The following SLAIN2 variants were observed in gnomAD, a reference collection of about 807,000 sequenced individuals.
SLAIN2 encodes the protein SLAIN family member 2, also known as SLAIN motif-containing protein 2.
SLAIN2 carries 31 observed loss-of-function variants against 56.6 expected under a neutral mutation model. The ratio of observed to expected loss-of-function variants is 0.55; its 90% CI spans 0.41 to 0.74. SLAIN2 has a LOEUF of 0.74. Among genes scored for constraint, SLAIN2 ranks in the 30% least tolerant of loss-of-function variants. The pLI is 0.00. For missense variants in SLAIN2, 777 were observed against 754.2 expected, an observed-to-expected ratio of 1.03 and a Z score of -0.35; for synonymous variants, 317 against 284.9, an observed-to-expected ratio of 1.11 and a Z score of -1.13.
chr4:48,392,835 T>C (rs1716269768), intron 6 of SLAIN2, among the ~76,000 whole-genome samples: 1 of 150,062 alleles, frequency 6.7e-6, no homozygotes, highest in Non-Finnish European at 1.5e-5. Flanking sequence ...TCATTGTCTG[T>C]CTCCCCTTTC....
At chr4:48,352,193 T>C (rs926792133) in intron 1 of SLAIN2, among the ~76,000 whole-genome samples, 1 of 152,204 alleles carries the variant, frequency 6.6e-6, no homozygotes, top group Non-Finnish European at 1.5e-5. Flanking sequence ...GCTACCTTTA[T>C]TGGCTAGAAA....
Position 48,382,631 on chromosome 4 carries a change from C to T in SLAIN2, c.926C>T (p.Thr309Ile). ...AGTTCTGGTTCATCTTGCAATTCTA[C>T]AAGACGGGGTACTTTTAGTGATCAG... The part of the protein sequence containing the change: ...RRSSGSSCNS[T>I]RRGTFSDQEL... Residue 309 changes from threonine to isoleucine, a missense_variant, in exon 5 of 8, where the codon ACA (threonine) becomes ATA (isoleucine). By Grantham distance (89) the Thr-to-Ile change is moderately conservative. Coordinates refer to ENST00000264313, the MANE Select transcript of SLAIN2 (RefSeq NM_020846.2). 2 of 1,613,258 alleles carry T rather than the reference C, an allele frequency of 1.2e-6. No homozygotes were observed. The highest frequency in any genetic ancestry group is 1.7e-6 in the Non-Finnish European group (2 of 1,179,284).
intron 6 of SLAIN2, among the ~76,000 whole-genome samples, chr4:48,404,141 TG>T (rs1306705717): frequency 2.0e-5 from 3 of 152,140 alleles, no homozygotes; most frequent in African/African-American, 7.2e-5. Flanking sequence ...CAGTTCAAGG[TG>T]CAGAATGAAC....
chr4:48,372,201 A>C (rs530959302), intron 2 of SLAIN2, among the ~76,000 whole-genome samples: 150 of 152,270 alleles, frequency 9.9e-4, no homozygotes, highest in African/African-American at 3.6e-3. Context: ...CATTGTTCTC[A>C]ACACTGAAGT....
chr4:48,379,720 C>A lies in SLAIN2; in HGVS notation c.734C>A (p.Pro245Gln). 2 of 1,471,428 alleles carry A rather than the reference C, an allele frequency of 1.4e-6. No individual in the cohort carries two copies. The highest frequency in any genetic ancestry group is 1.8e-6 in the Non-Finnish European group (2 of 1,112,460). The allele number at this position is 1,471,428 out of a possible 1,614,324, so 91.1% of individuals were successfully genotyped here. Reference sequence around the variant, plus strand: ...TTGAAAAGCTCAGACAGAAATCCTCCACTCAGTCCTCAGTCCTCTATAGAT... The same window carrying A: ...TTGAAAAGCTCAGACAGAAATCCTCAACTCAGTCCTCAGTCCTCTATAGAT... ...GNLKSSDRNP[P>Q]LSPQSSIDSE... is the part of the protein sequence containing the mutation. The change falls in exon 4 of 8, where the codon CCA becomes CAA. Residue 245 changes from proline to glutamine, a missense_variant. By Grantham distance (76) the Pro-to-Gln change is moderately conservative (BLOSUM62 -1). Transcript: ENST00000264313.
At chr4:48,347,747 G>T (rs1426346462) in intron 1 of SLAIN2, among the ~76,000 whole-genome samples, 2 of 152,166 alleles carry the variant, frequency 1.3e-5, no homozygotes, top group Non-Finnish European at 2.9e-5. Context: ...TTGAAACTGT[G>T]TACCCATTAA....
intron 1 of SLAIN2, among the ~76,000 whole-genome samples, chr4:48,358,564 C>T (rs1715227131): frequency 6.6e-6 from 1 of 152,116 alleles, no homozygotes; most frequent in Non-Finnish European, 1.5e-5. Context: ...GATCCGCCTG[C>T]CTCAGTCTCC....
At chr4:48,357,874 A>G (rs866567821) in intron 1 of SLAIN2, among the ~76,000 whole-genome samples, 25 of 151,384 alleles carry the variant, frequency 1.7e-4, no homozygotes, top group African/African-American at 5.1e-4. Context: ...TTTTTAAAAA[A>G]CTTTTGTAGA....
At chr4:48,407,000 A>G (rs1017210302) in intron 6 of SLAIN2, among the ~76,000 whole-genome samples, 3 of 152,108 alleles carry the variant, frequency 2.0e-5, no homozygotes, top group Non-Finnish European at 4.4e-5. Context: ...TGATTTTCCC[A>G]GATTCGGGGT....
chr4:48,413,018 A>G (rs1474386511), intron 6 of SLAIN2, among the ~76,000 whole-genome samples: 2 of 152,124 alleles, frequency 1.3e-5, no homozygotes, highest in African/African-American at 4.8e-5. Flanking sequence ...TTAAGAGGCC[A>G]GGAGGTTGAG....
At position 48,424,206 on chromosome 4, in the gene SLAIN2, GTAT is replaced by G. The variant is rs1238825107; in HGVS notation, c.*2134_*2136del. On this transcript the variant is annotated 3_prime_UTR_variant, in exon 8 of 8. Coordinates refer to ENST00000264313, the MANE Select transcript of SLAIN2 (RefSeq NM_020846.2). The stretch of plus-strand genomic sequence containing the variant: ...ATATTTTTGATCTGAGTTTGGTAAA[GTAT>G]TATTTTACCTGCTGTTGTACTACCA... 2 of 151,902 alleles carry G rather than the reference GTAT, an allele frequency of 1.3e-5. No homozygotes were observed. The highest frequency in any genetic ancestry group is 3.9e-4 in the East Asian group (2 of 5,184). 9.4% of individuals were successfully genotyped at this position (151,902 alleles called of 1,614,324 possible).
chr4:48,419,868 G>A (rs1717100753), intron 6 of SLAIN2, among the ~76,000 whole-genome samples: 1 of 152,112 alleles, frequency 6.6e-6, no homozygotes, highest in Non-Finnish European at 1.5e-5. Context: ...TTCTCTTCTG[G>A]TATTATGGAT....
At chr4:48,361,830 T>C (rs1282121999) in intron 1 of SLAIN2, among the ~76,000 whole-genome samples, 1 of 152,158 alleles carries the variant, frequency 6.6e-6, no homozygotes, top group African/African-American at 2.4e-5. Flanking sequence ...ATATGTCTTC[T>C]TTTAATTTCT....
chr4:48,400,388 CTTTTTT>C lies in SLAIN2; in HGVS notation c.1360+16625_1360+16630del, dbSNP rs3081372. On this transcript the variant is annotated intron_variant, in intron 6 of 7. Coordinates refer to ENST00000264313, the MANE Select transcript of SLAIN2 (RefSeq NM_020846.2). ...TTCTGATTGTGTCTGTTTGATTCTTCTTTTTTTTTTTTTTTTTTTTTTTTTTGAGAC... is the reference window on the plus strand; with the variant it reads ...TTCTGATTGTGTCTGTTTGATTCTTCTTTTTTTTTTTTTTTTTTTTGAGAC... Among the ~76,000 whole-genome samples the C allele has an allele frequency of 6.7e-4, 65 of 96,450 alleles. 2 individuals carry two copies. The highest frequency in any genetic ancestry group is 1.8e-3 in the Admixed American group (14 of 7,956). 63.3% of individuals were successfully genotyped at this position (96,450 alleles called of 152,430 possible).
intron 1 of SLAIN2, among the ~76,000 whole-genome samples, chr4:48,345,112 G>A (rs763105837): frequency 2.6e-5 from 4 of 152,128 alleles, no homozygotes; most frequent in Non-Finnish European, 4.4e-5. Context: ...CAAATAATGC[G>A]CACTGAATGA....
chr4:48,410,952 A>ATGGCTCCTCCTC (rs1716828128), intron 6 of SLAIN2, among the ~76,000 whole-genome samples: 1 of 152,144 alleles, frequency 6.6e-6, no homozygotes, highest in Non-Finnish European at 1.5e-5. Context: ...AGAAACAGTG[A>ATGGCTCCTCCTC]TGGCTCCTCC....
Position 48,342,004 on chromosome 4 carries a change from G to T in SLAIN2, c.265G>T (p.Glu89Ter). 1 of 1,423,252 alleles carries T rather than the reference G, an allele frequency of 7.0e-7. No individual in the cohort carries two copies. Among genetic ancestry groups the T allele is most frequent in the Non-Finnish European group, 9.1e-7 (1 of 1,093,376 alleles). The allele number at this position is 1,423,252 out of a possible 1,614,324, so 88.2% of individuals were successfully genotyped here. The change falls in exon 1 of 8, where the codon GAA becomes TAA. Residue 89 changes from glutamate (E) to a stop codon, truncating the protein, a stop_gained. Coordinates refer to ENST00000264313, the MANE Select transcript of SLAIN2 (RefSeq NM_020846.2). LOFTEE classifies it high-confidence loss of function. ...PGSGPRRTSSEELRDATSLLA... is the reference protein window; with the variant it reads ...PGSGPRRTSS ...GTCGGGCCCGAGGCGGACGAGTAGC[G>T]AAGAGCTGCGGGACGCCACCTCCTT...
intron 2 of SLAIN2, among the ~76,000 whole-genome samples, chr4:48,373,450 T>C (rs1560455832): frequency 1.3e-5 from 2 of 152,176 alleles, no homozygotes; most frequent in East Asian, 3.8e-4. Flanking sequence ...TAGTATCACC[T>C]CTGTTGAATC....
chr4:48,360,602 T>A (rs893028450), intron 1 of SLAIN2, among the ~76,000 whole-genome samples: 2 of 151,796 alleles, frequency 1.3e-5, no homozygotes, highest in Admixed American at 1.3e-4. Flanking sequence ...CAAAAAAAAT[T>A]AAAAAAAACA....
Sources: gnomAD v4.1 joint callset for allele counts (sites outside exome capture counted in the v4.1 genomes callset) on GRCh38, gnomAD v4.1.1 for gene constraint, MANE v1.5 for transcripts, NCBI Gene and HGNC (gene_info 2026-07-23, HGNC 2026-07-21) for gene names.